The following GOLGA6B variants were observed in gnomAD, a reference collection of about 807,000 sequenced individuals.
GOLGA6B encodes the protein golgin subfamily A member 6B.
A neutral mutation model predicts 63.0 loss-of-function variants in GOLGA6B; 11 were observed. That is an observed-to-expected ratio of 0.17 (90% CI 0.11 to 0.29). GOLGA6B has a LOEUF of 0.29. Among genes scored for constraint, GOLGA6B ranks in the 10% least tolerant of loss-of-function variants. The probability of loss-of-function intolerance (pLI) is 1.00; values close to 1 mark genes in which losing one functional copy is unlikely to be tolerated. For synonymous variants in GOLGA6B, 46 were observed against 232.6 expected (o/e 0.20, Z 7.30); for missense variants, 134 against 563.8 (o/e 0.24, Z 7.72).
Position 72,664,438 on chromosome 15 carries a change from G to T in GOLGA6B, c.1428G>T (p.Glu476Asp). 1 of 1,321,924 alleles carries T rather than the reference G, an allele frequency of 7.6e-7. No homozygotes were observed. The highest frequency in any genetic ancestry group is 1.4e-5 in the South Asian group (1 of 70,594). The allele number at this position is 1,321,924 out of a possible 1,614,324, so 81.9% of individuals were successfully genotyped here. A position where few individuals can be genotyped will look rare whatever the true frequency, so the allele number is the denominator to read the frequency against. The change falls in exon 13 of 18, where the codon GAG (glutamate) becomes GAT (aspartate). Residue 476 changes from glutamate to aspartate, a missense_variant and splice_region_variant. Glu to Asp is a conservative substitution (Grantham distance 45). Coordinates refer to ENST00000421285, the MANE Select transcript of GOLGA6B (RefSeq NM_018652.5). Reference sequence around the variant, plus strand: ...CACTCTGTTTCCCGTCCCCTTAGGAGCACCTAGAAGCTGCCAGCCAGCAGA... The same window carrying T: ...CACTCTGTTTCCCGTCCCCTTAGGATCACCTAGAAGCTGCCAGCCAGCAGA... ...VKELQEKLDE[E>D]HLEAASQQNQ...
chr15:72,664,341 A>C, intron 12 of GOLGA6B, 95 bp from the exon 13 acceptor site: 1 of 1,243,086 alleles, frequency 8.0e-7, no homozygotes, highest in Admixed American at 2.0e-5. Flanking sequence ...CAAAAGTTGC[A>C]GGAGACCCAG....
chr15:72,662,252 C>T lies in GOLGA6B; in HGVS notation c.848C>T (p.Ala283Val). The T allele has an allele frequency of 7.2e-7, 1 of 1,381,898 alleles. No individual in the cohort carries two copies. Among genetic ancestry groups the T allele is most frequent in the South Asian group, 1.4e-5 (1 of 71,396 alleles). The allele number at this position is 1,381,898 out of a possible 1,614,324, so 85.6% of individuals were successfully genotyped here. Residue 283 changes from alanine (A) to valine (V), a missense_variant and splice_region_variant, in exon 11 of 18, where the codon GCT becomes GTT. Physicochemically the swap from Ala to Val is moderately conservative, Grantham distance 64. Transcript: ENST00000421285. ...RSLSELKNQM[A>V]KPPSLAPPAV... The stretch of plus-strand genomic sequence containing the variant: ...CCTTATTGTCTGCTTCATTTCTCAG[C>T]TAAGCCCCCATCCCTGGCGCCCCCA...
At chr15:72,657,948 G>A (rs1268427633) in intron 2 of GOLGA6B, among the ~76,000 whole-genome samples, 1 of 103,686 alleles carries the variant, frequency 9.6e-6, no homozygotes, top group Admixed American at 9.6e-5. Context: ...TGGGATTTGG[G>A]CTCTTTTTTT....
Position 72,664,499 on chromosome 15 carries a change from C to T in GOLGA6B, c.1489C>T (p.Leu497Phe). 1.5e-6 allele frequency: 2 copies of T among 1,357,068 alleles called. No individual in the cohort carries two copies. Among genetic ancestry groups the T allele is most frequent in the Admixed American group, 1.9e-5 (1 of 52,326 alleles). The allele number at this position is 1,357,068 out of a possible 1,614,324, so 84.1% of individuals were successfully genotyped here. A position where few individuals can be genotyped will look rare whatever the true frequency, so the allele number is the denominator to read the frequency against. ...QLETQLSLVA[L>F]PGEGDGGQHL... ...AGAGACCCAGCTAAGCCTCGTGGCTCTCCCGGGAGAAGGTACAGGAGACCA... is the reference window on the plus strand; with the variant it reads ...AGAGACCCAGCTAAGCCTCGTGGCTTTCCCGGGAGAAGGTACAGGAGACCA... The change falls in exon 13 of 18, where the codon CTC becomes TTC. Residue 497 changes from leucine to phenylalanine, a missense_variant. Transcript: ENST00000421285.
chr15:72,664,282 G>A (rs1180179155), intron 12 of GOLGA6B, among the ~76,000 whole-genome samples, 154 bp from the exon 13 acceptor site: 1 of 130,216 alleles, frequency 7.7e-6, no homozygotes, highest in Non-Finnish European at 1.7e-5. Context: ...TCGTGGACCA[G>A]CTGCAGCAGC....
intron 3 of GOLGA6B, among the ~76,000 whole-genome samples, chr15:72,659,212 AGGGTG>A (rs2064587095): frequency 6.7e-6 from 1 of 149,900 alleles, no homozygotes. Context: ...AGCTGGCAGA[AGGGTG>A]GGCCTTCCTG....
chr15:72,663,618 C>A (rs1478330928), intron 12 of GOLGA6B, among the ~76,000 whole-genome samples: 1 of 128,730 alleles, frequency 7.8e-6, no homozygotes, highest in Non-Finnish European at 1.7e-5. Context: ...GTGGAGGTTG[C>A]AGTGAGCTGA....
intron 14 of GOLGA6B, among the ~76,000 whole-genome samples, 187 bp downstream of exon 14, chr15:72,665,222 T>C (rs1227173621): frequency 1.7e-5 from 2 of 120,900 alleles, no homozygotes; most frequent in Admixed American, 1.7e-4. Context: ...GAAGGGGTTG[T>C]TCTCCACCTC....
rs764421744 is a variant in GOLGA6B at position 72,662,261 on chromosome 15, C to G, written c.857C>G (p.Pro286Arg). The stretch of plus-strand genomic sequence containing the variant: ...CTGCTTCATTTCTCAGCTAAGCCCC[C>G]ATCCCTGGCGCCCCCAGCAGTGACC... ...SELKNQMAKPPSLAPPAVTSV... is the reference protein window; with the variant it reads ...SELKNQMAKPRSLAPPAVTSV... The change falls in exon 11 of 18, where the codon CCA becomes CGA. Residue 286 changes from proline (P) to arginine (R), a missense_variant. By Grantham distance (103) the Pro-to-Arg change is moderately radical. Transcript: ENST00000421285. 3.6e-6 allele frequency: 5 copies of G among 1,385,986 alleles called. 1 individual carries two copies. Among genetic ancestry groups the G allele is most frequent in the Non-Finnish European group, 4.9e-6 (5 of 1,023,754 alleles). 85.9% of individuals were successfully genotyped at this position (1,385,986 alleles called of 1,614,324 possible). A position where few individuals can be genotyped will look rare whatever the true frequency, so the allele number is the denominator to read the frequency against.
At chr15:72,657,136 T>C (rs2064579929) in intron 2 of GOLGA6B, among the ~76,000 whole-genome samples, 1 of 35,038 alleles carries the variant, frequency 2.9e-5, no homozygotes, top group Admixed American at 3.6e-4. Flanking sequence ...TCACTTCTTC[T>C]GCTGGGCCTC....
At chr15:72,664,197 A>T (rs2064618688) in intron 12 of GOLGA6B, among the ~76,000 whole-genome samples, 2 of 130,658 alleles carry the variant, frequency 1.5e-5, no homozygotes. Context: ...CACCTGCAGC[A>T]GTACGTGGCC....
In GOLGA6B at chr15:72,669,429, T is replaced by A. The variant is rs1380502311; in HGVS notation, c.*3087T>A. ...GAAAAGTAGAGAAAGAAATGCCAAT[T>A]CCAATGCAAGGCTTTATTTGCCAAG... On this transcript the variant is annotated 3_prime_UTR_variant, in exon 18 of 18. Transcript: ENST00000421285. Among the ~76,000 whole-genome samples, 1 of 150,386 alleles carries A rather than the reference T, an allele frequency of 6.6e-6. No homozygotes were observed. The highest frequency in any genetic ancestry group is 1.5e-5 in the Non-Finnish European group (1 of 67,210).
In GOLGA6B at chr15:72,666,275, G is replaced by T. The variant is rs566997092; in HGVS notation, c.2015G>T (p.Gly672Val). The change falls in exon 18 of 18, where the codon GGT becomes GTT. Residue 672 changes from glycine to valine, a missense_variant. Physicochemically the swap from Gly to Val is moderately radical, Grantham distance 109 (BLOSUM62 -3). Coordinates refer to ENST00000421285, the MANE Select transcript of GOLGA6B (RefSeq NM_018652.5). ...CCTGCACCAGGAGCGGCCAGGGAGG[G>T]TTCTCCCCATGACAACCCCACTGTA... ...VEPAPGAARE[G>V]SPHDNPTVQQ... is the part of the protein sequence containing the mutation. 5.6e-6 allele frequency: 9 copies of T among 1,595,940 alleles called. No individual in the cohort carries two copies. The East Asian group carries it at 6.8e-5, about 12-fold the overall frequency.
Position 72,664,372 on chromosome 15 carries a change from G to A in GOLGA6B, c.1426-64G>A, listed in dbSNP as rs545957708. 1.3e-4 allele frequency: 171 copies of A among 1,296,524 alleles called. 35 individuals are homozygous for A. Among genetic ancestry groups the A allele is most frequent in the Non-Finnish European group, 1.7e-4 (157 of 946,680 alleles). 80.3% of individuals were successfully genotyped at this position (1,296,524 alleles called of 1,614,324 possible). A position where few individuals can be genotyped will look rare whatever the true frequency, so the allele number is the denominator to read the frequency against. On this transcript the variant is annotated intron_variant, in intron 12 of 17. Coordinates refer to ENST00000421285, the MANE Select transcript of GOLGA6B (RefSeq NM_018652.5). The stretch of plus-strand genomic sequence containing the variant: ...CCCAGGGGAGGCAGTTGCTGAGGAC[G>A]GGGCCCCGAGGGGGATGACCTGGCA...
Position 72,664,371 on chromosome 15 carries a change from C to A in GOLGA6B, c.1426-65C>A, listed in dbSNP as rs575447349. The stretch of plus-strand genomic sequence containing the variant: ...ACCCAGGGGAGGCAGTTGCTGAGGA[C>A]GGGGCCCCGAGGGGGATGACCTGGC... On this transcript the variant is annotated intron_variant, in intron 12 of 17. Transcript: ENST00000421285. The A allele has an allele frequency of 3.9e-6, 5 of 1,295,846 alleles. 1 individual carries two copies. The African/African-American group carries it at 7.5e-5, about 19-fold the overall frequency. The allele number at this position is 1,295,846 out of a possible 1,614,324, so 80.3% of individuals were successfully genotyped here.
In GOLGA6B at chr15:72,664,348, C is replaced by G. The variant is rs1378638469; in HGVS notation, c.1426-88C>G. ...TGGCCGGCCAAAAGTTGCAGGAGAC[C>G]CAGGGGAGGCAGTTGCTGAGGACGG... On this transcript the variant is annotated intron_variant, in intron 12 of 17. Transcript: ENST00000421285. The G allele has an allele frequency of 4.0e-6, 5 of 1,257,916 alleles. 2 individuals are homozygous for G. Among genetic ancestry groups the G allele is most frequent in the South Asian group, 3.0e-5 (2 of 66,660 alleles). The allele number at this position is 1,257,916 out of a possible 1,614,324, so 77.9% of individuals were successfully genotyped here. A position where few individuals can be genotyped will look rare whatever the true frequency, so the allele number is the denominator to read the frequency against.
Position 72,662,228 on chromosome 15 carries a change from C to T in GOLGA6B, c.848-24C>T, listed in dbSNP as rs771824307. On this transcript the variant is annotated intron_variant, in intron 10 of 17. Coordinates refer to ENST00000421285, the MANE Select transcript of GOLGA6B (RefSeq NM_018652.5). ...AGAGGGGTTGGGGAATCCAGAGGCC[C>T]TTATTGTCTGCTTCATTTCTCAGCT... 5 of 1,387,984 alleles carry T rather than the reference C, an allele frequency of 3.6e-6. No individual in the cohort carries two copies. The South Asian group carries it at 5.6e-5, about 15-fold the overall frequency. 86.0% of individuals were successfully genotyped at this position (1,387,984 alleles called of 1,614,324 possible).
In GOLGA6B at chr15:72,664,585, G is replaced by A; in HGVS notation, c.1501+74G>A. On this transcript the variant is annotated intron_variant, in intron 13 of 17. Coordinates refer to ENST00000421285, the MANE Select transcript of GOLGA6B (RefSeq NM_018652.5). ...GGGACTGTTAGCAGCATAGGATTGA[G>A]GGGTTGGAAGAGACCTTTAGAACAG... 1.8e-5 allele frequency: 19 copies of A among 1,040,322 alleles called. 2 individuals carry two copies. Among genetic ancestry groups the A allele is most frequent in the Non-Finnish European group, 2.6e-5 (19 of 728,904 alleles). The allele number at this position is 1,040,322 out of a possible 1,614,324, so 64.4% of individuals were successfully genotyped here.
Position 72,669,119 on chromosome 15 carries a change from A to G in GOLGA6B, c.*2777A>G, listed in dbSNP as rs1200443496. Among the ~76,000 whole-genome samples the G allele has an allele frequency of 6.6e-6, 1 of 151,628 alleles. No homozygotes were observed. The highest frequency in any genetic ancestry group is 6.6e-5 in the Admixed American group (1 of 15,210). ...GTAGGAAGTAAAGAATTAAAAATCT[A>G]TTTAAAGATTGCAATATATAATCAT... On this transcript the variant is annotated 3_prime_UTR_variant, in exon 18 of 18. Coordinates refer to ENST00000421285, the MANE Select transcript of GOLGA6B (RefSeq NM_018652.5).
Sources: allele counts gnomAD v4.1 joint callset (sites outside exome capture counted in the v4.1 genomes callset), GRCh38; gene constraint gnomAD v4.1.1; transcripts MANE v1.5; gene names NCBI Gene and HGNC (gene_info 2026-07-23, HGNC 2026-07-21).